ABCB1: variants seen among roughly 807,000 people sequenced by gnomAD.
The protein encoded by ABCB1 is ATP binding cassette subfamily B member 1.
Under a neutral mutation model 142.0 loss-of-function variants are expected in ABCB1, and 69 were observed. The observed-to-expected ratio is 0.49, with a 90% CI of 0.40 to 0.59. ABCB1 has a LOEUF of 0.59. Among genes scored for constraint, ABCB1 ranks in the 20% least tolerant of loss-of-function variants. The probability of loss-of-function intolerance (pLI) is 0.00; values close to 1 mark genes in which losing one functional copy is unlikely to be tolerated. For synonymous variants in ABCB1, 532 were observed against 539.2 expected, an observed-to-expected ratio of 0.99 and a Z score of 0.18; for missense variants, 1,326 against 1,554.7, an observed-to-expected ratio of 0.85 and a Z score of 2.47.
intron 9 of ABCB1, among the ~76,000 whole-genome samples, 176 bp from the exon 10 acceptor site, chr7:87,551,014 C>T (rs1434886806): frequency 6.6e-6 from 1 of 151,888 alleles, no homozygotes; most frequent in Non-Finnish European, 1.5e-5. Context: ...CATTTAATTC[C>T]TTTTTTCATT....
At chr7:87,505,797 C>T in intron 27 of ABCB1, 100 bp downstream of exon 27, 1 of 1,400,642 alleles carries the variant, frequency 7.1e-7, no homozygotes, top group East Asian at 2.3e-5. Context: ...ATGTAAGTAA[C>T]TGTCAATAAT....
rs781571880 is a variant in ABCB1, at chr7:87,544,917, T to C, written c.1970A>G (p.Asp657Gly). ...TTTTCTTATTAGACTGGATCTTGAA[T>C]CATTTGAAGACATTTCCAAGGCATC... ...EIDALEMSSN[D>G]SRSSLIRKRS... The change falls in exon 16 of 28, where the codon GAT becomes GGT. Residue 657 changes from aspartate (D) to glycine (G), a missense_variant. Transcript: ENST00000622132. 1.9e-6 allele frequency: 3 copies of C among 1,614,102 alleles called. No individual in the cohort carries two copies. Among genetic ancestry groups the C allele is most frequent in the Non-Finnish European group, 2.5e-6 (3 of 1,179,978 alleles).
At chr7:87,567,888 T>G (rs1817843015) in intron 5 of ABCB1, among the ~76,000 whole-genome samples, 1 of 150,986 alleles carries the variant, frequency 6.6e-6, no homozygotes, top group Non-Finnish European at 1.5e-5. Context: ...AGGTCAGGAG[T>G]TGGAGACCAC....
intron 4 of ABCB1, among the ~76,000 whole-genome samples, chr7:87,581,148 A>T (rs1563061901): frequency 6.6e-6 from 1 of 151,302 alleles, no homozygotes; most frequent in Non-Finnish European, 1.5e-5. Flanking sequence ...TTAGAGACAA[A>T]CTCTCACTAT....
At chr7:87,669,617 T>C (rs1447535947) in intron 1 of ABCB1, among the ~76,000 whole-genome samples, 1 of 152,210 alleles carries the variant, frequency 6.6e-6, no homozygotes, top group African/African-American at 2.4e-5. Context: ...TATTGGTCTT[T>C]CCTTTCTATA....
chr7:87,658,415 A>C (rs754888285), intron 1 of ABCB1, among the ~76,000 whole-genome samples: 16 of 152,188 alleles, frequency 1.1e-4, no homozygotes, highest in Non-Finnish European at 1.9e-4. Flanking sequence ...GACAATAACA[A>C]AAGATGACAC....
At chr7:87,511,584 G>T (rs947197001) in intron 25 of ABCB1, among the ~76,000 whole-genome samples, 2 of 152,172 alleles carry the variant, frequency 1.3e-5, no homozygotes, top group Non-Finnish European at 2.9e-5. Context: ...AACCTTCATA[G>T]CAACACTTAT....
intron 20 of ABCB1, among the ~76,000 whole-genome samples, chr7:87,532,561 A>T (rs112648355): frequency 2.4e-3 from 360 of 152,296 alleles, no homozygotes; most frequent in South Asian, 8.7e-3. Flanking sequence ...GACAATTTAC[A>T]AATGCCATGG....
chr7:87,521,147 C>G, intron 21 of ABCB1: 1 of 439,846 alleles, frequency 2.3e-6, no homozygotes, highest in South Asian at 2.4e-5. Context: ...CACAGCTTTA[C>G]GTGGCTTCGC....
At chr7:87,659,442 G>T (rs1824468510) in intron 1 of ABCB1, among the ~76,000 whole-genome samples, 1 of 151,924 alleles carries the variant, frequency 6.6e-6, no homozygotes, top group Admixed American at 6.6e-5. Context: ...TCATTTTCCA[G>T]TGTGAAGTTT....
intron 1 of ABCB1, among the ~76,000 whole-genome samples, chr7:87,704,833 A>T (rs776379570): frequency 6.6e-6 from 1 of 152,198 alleles, no homozygotes; most frequent in Non-Finnish European, 1.5e-5. Flanking sequence ...AGTTTACTTA[A>T]TCTACTCAGT....
chr7:87,574,288 A>C (rs569094918), intron 4 of ABCB1, among the ~76,000 whole-genome samples: 2 of 152,154 alleles, frequency 1.3e-5, no homozygotes, highest in Non-Finnish European at 2.9e-5. Flanking sequence ...GTAGATGATG[A>C]TGCTGAACAA....
chr7:87,700,713 T>C, intron 1 of ABCB1: 1 of 640,114 alleles, frequency 1.6e-6, no homozygotes, highest in Non-Finnish European at 2.6e-6. Flanking sequence ...TTGAATTATC[T>C]AAACTAGTGG....
chr7:87,682,374 C>T (rs1827010258), intron 1 of ABCB1, among the ~76,000 whole-genome samples: 1 of 152,114 alleles, frequency 6.6e-6, no homozygotes, highest in Non-Finnish European at 1.5e-5. Context: ...CGAATCTTTT[C>T]CAGAAGATTT....
chr7:87,565,424 G>A (rs867294287), intron 7 of ABCB1: 8 of 444,146 alleles, frequency 1.8e-5, no homozygotes, highest in Admixed American at 7.7e-5. Context: ...CACTGGAAAC[G>A]TGTGCTGGGG....
At chr7:87,690,953 T>C (rs1438856374) in intron 1 of ABCB1, among the ~76,000 whole-genome samples, 1 of 151,848 alleles carries the variant, frequency 6.6e-6, no homozygotes, top group Non-Finnish European at 1.5e-5. Flanking sequence ...AGAGAGAAAA[T>C]AGAATAAATA....
intron 1 of ABCB1, among the ~76,000 whole-genome samples, chr7:87,701,281 G>A (rs1045774417): frequency 1.3e-5 from 2 of 152,182 alleles, no homozygotes; most frequent in African/African-American, 4.8e-5. Flanking sequence ...GAAGAAAGAA[G>A]TGAGCCTATT....
chr7:87,531,121 C>T (rs1201463444), intron 21 of ABCB1, among the ~76,000 whole-genome samples, 173 bp downstream of exon 21: 1 of 152,126 alleles, frequency 6.6e-6, no homozygotes, highest in East Asian at 1.9e-4. Context: ...CAAGAACTGG[C>T]TTTGCTACTT....
Position 87,547,420 on chromosome 7 carries a change from A to G in ABCB1, c.1726-1396T>C, listed in dbSNP as rs1816831375. 3.9e-5 allele frequency among the ~76,000 whole-genome samples: 6 copies of G among 152,292 alleles called. No individual in the cohort carries two copies. The South Asian group carries it at 1.2e-3, about 32-fold the overall frequency. On this transcript the variant is annotated intron_variant, in intron 14 of 27. Transcript: ENST00000622132. ...AATTTAATACATAGTTTCACTATAG[A>G]TTAATAAGGAAACACAGATAAGCAA...
Sources: allele counts gnomAD v4.1 joint callset (sites outside exome capture counted in the v4.1 genomes callset), GRCh38; gene constraint gnomAD v4.1.1; transcripts MANE v1.5; gene names NCBI Gene and HGNC (gene_info 2026-07-23, HGNC 2026-07-21).